The following DNAJC12 variants were observed in gnomAD, a reference collection of about 807,000 sequenced individuals.
DNAJC12 encodes the protein dnaJ homolog subfamily C member 12.
DNAJC12 carries 25 observed loss-of-function variants against 28.5 expected under a neutral mutation model. The observed-to-expected ratio is 0.88, with a 90% CI of 0.64 to 1.22. DNAJC12 has a LOEUF of 1.22. DNAJC12 is among the 50% of genes most tolerant of loss of function. DNAJC12 has a pLI of 0.00. For missense variants in DNAJC12, 222 were observed against 231.7 expected (o/e 0.96, Z 0.27); for synonymous variants, 77 against 80.6 (o/e 0.95, Z 0.24).
rs1841713088 is a variant in DNAJC12 at position 67,799,228 on chromosome 10, A to G, written c.503-2018T>C. On this transcript the variant is annotated intron_variant, in intron 4 of 4. Transcript: ENST00000225171. ...TTCCATTGATATTTTAATATAGTAT[A>G]TAAATATGTAGTCAGAAAAAGCATA... Among the ~76,000 whole-genome samples the G allele has an allele frequency of 2.0e-5, 3 of 152,330 alleles. No homozygotes were observed. In the South Asian group the frequency reaches 6.2e-4, roughly 32 times the overall value.
At chr10:67,805,369 G>A (rs1841789481) in intron 4 of DNAJC12, among the ~76,000 whole-genome samples, 1 of 152,180 alleles carries the variant, frequency 6.6e-6, no homozygotes, top group Admixed American at 6.5e-5. Flanking sequence ...CATTATGTCA[G>A]TAAAGCCAAA....
At chr10:67,820,003 T>C (rs1225038634) in intron 2 of DNAJC12, among the ~76,000 whole-genome samples, 1 of 152,182 alleles carries the variant, frequency 6.6e-6, no homozygotes, top group Non-Finnish European at 1.5e-5. Context: ...CTGCCTGACG[T>C]ACAGGGTGCT....
chr10:67,816,688 G>A (rs1214144785), intron 2 of DNAJC12, among the ~76,000 whole-genome samples: 1 of 151,960 alleles, frequency 6.6e-6, no homozygotes, highest in Non-Finnish European at 1.5e-5. Flanking sequence ...TGGGATTACA[G>A]GCACCCGCCA....
At chr10:67,823,727 G>T (rs773451132) in intron 1 of DNAJC12, among the ~76,000 whole-genome samples, 21 of 151,488 alleles carry the variant, frequency 1.4e-4, no homozygotes, top group Non-Finnish European at 3.1e-4. Context: ...AACTTAAATG[G>T]CATGAAGGAA....
At chr10:67,815,198 T>A (rs1278923361) in intron 2 of DNAJC12, among the ~76,000 whole-genome samples, 1 of 152,142 alleles carries the variant, frequency 6.6e-6, no homozygotes, top group Non-Finnish European at 1.5e-5. Flanking sequence ...TGCTACAACA[T>A]GAATGAGTCT....
At chr10:67,820,501 GA>G (rs1841971101) in intron 2 of DNAJC12, among the ~76,000 whole-genome samples, 1 of 152,172 alleles carries the variant, frequency 6.6e-6, no homozygotes, top group Admixed American at 6.5e-5. Context: ...GGGTGCTGAA[GA>G]TGCTCCACAT....
At chr10:67,818,251 G>A (rs1841935478) in intron 2 of DNAJC12, among the ~76,000 whole-genome samples, 1 of 152,112 alleles carries the variant, frequency 6.6e-6, no homozygotes, top group Non-Finnish European at 1.5e-5. Context: ...AATCATCCAA[G>A]TGTGTAAAGA....
At chr10:67,807,203 G>C (rs1176717379) in intron 3 of DNAJC12, among the ~76,000 whole-genome samples, 3 of 151,990 alleles carry the variant, frequency 2.0e-5, no homozygotes, top group Admixed American at 6.6e-5. Context: ...AGAGGTTGCA[G>C]TGAGCTGGTA....
At position 67,818,943 on chromosome 10, in the gene DNAJC12, C is replaced by T. The variant is rs149806964; in HGVS notation, c.157+4371G>A. ...GTGCTGGGATTACAGGCATTAGCCA[C>T]CGAGCCCGATCTAAATTTTTATAAT... On this transcript the variant is annotated intron_variant, in intron 2 of 4. Coordinates refer to ENST00000225171, the MANE Select transcript of DNAJC12 (RefSeq NM_021800.3). 5.4e-3 allele frequency among the ~76,000 whole-genome samples: 820 copies of T among 152,266 alleles called. 4 individuals are homozygous for T. The highest frequency in any genetic ancestry group is 0.018 in the African/African-American group (764 of 41,568).
chr10:67,834,306 G>A (rs1842122296), intron 1 of DNAJC12, among the ~76,000 whole-genome samples: 2 of 152,026 alleles, frequency 1.3e-5, no homozygotes, highest in African/African-American at 2.4e-5. Context: ...AAAAATTATT[G>A]CAAAATAAAA....
intron 1 of DNAJC12, among the ~76,000 whole-genome samples, chr10:67,830,733 G>C (rs1842085685): frequency 6.6e-6 from 1 of 152,066 alleles, no homozygotes; most frequent in Non-Finnish European, 1.5e-5. Flanking sequence ...TCCCACAACT[G>C]TATGAGGTTA....
At position 67,833,161 on chromosome 10, in the gene DNAJC12, G is replaced by A. The variant is rs35205309; in HGVS notation, c.78+4773C>T. On this transcript the variant is annotated intron_variant, in intron 1 of 4. Coordinates refer to ENST00000225171, the MANE Select transcript of DNAJC12 (RefSeq NM_021800.3). ...TAGAACAGAAAAAGGGCATTATTAG[G>A]AAAACTGATGAAATTAGATAAGACT... 7.9e-3 allele frequency among the ~76,000 whole-genome samples: 1,205 copies of A among 152,282 alleles called. 16 individuals carry two copies. Among genetic ancestry groups the A allele is most frequent in the Non-Finnish European group, 0.011 (752 of 68,016 alleles).
chr10:67,815,508 C>CA (rs762037586), intron 2 of DNAJC12, among the ~76,000 whole-genome samples: 33,659 of 65,538 alleles, frequency 0.51, 7,622 homozygotes, highest in African/African-American at 0.69. Context: ...TACTTCGTCT[C>CA]AAAAAAAAAA....
chr10:67,796,929 T>G lies in DNAJC12; in HGVS notation c.*187A>C, dbSNP rs1217220688. On this transcript the variant is annotated 3_prime_UTR_variant, in exon 5 of 5. Transcript: ENST00000225171. Reference sequence around the variant, plus strand: ...AATTTATTCAAATATTGGAAGAAATTCATCTTCTGAATTTTTCTTATTTAA... The same window carrying G: ...AATTTATTCAAATATTGGAAGAAATGCATCTTCTGAATTTTTCTTATTTAA... 1 of 474,558 alleles carries G rather than the reference T, an allele frequency of 2.1e-6. No individual in the cohort carries two copies. The highest frequency in any genetic ancestry group is 3.7e-6 in the Non-Finnish European group (1 of 266,944). The allele number at this position is 474,558 out of a possible 1,614,324, so 29.4% of individuals were successfully genotyped here. A position where few individuals can be genotyped will look rare whatever the true frequency, so the allele number is the denominator to read the frequency against.
intron 1 of DNAJC12, among the ~76,000 whole-genome samples, chr10:67,834,983 T>C (rs982368339): frequency 4.6e-5 from 7 of 152,202 alleles, no homozygotes; most frequent in Non-Finnish European, 7.3e-5. Flanking sequence ...ACTAGAAAAT[T>C]AGTCTCATTG....
intron 1 of DNAJC12, among the ~76,000 whole-genome samples, chr10:67,834,332 G>A (rs925506956): frequency 6.6e-6 from 1 of 152,088 alleles, no homozygotes; most frequent in Admixed American, 6.6e-5. Flanking sequence ...TAAAAATAAT[G>A]CAAACTCAAG....
chr10:67,813,390 A>G (rs896357067), intron 2 of DNAJC12, among the ~76,000 whole-genome samples: 2 of 152,132 alleles, frequency 1.3e-5, no homozygotes, highest in African/African-American at 4.8e-5. Context: ...ATATACAAAT[A>G]TCAGTGGTGT....
intron 1 of DNAJC12, among the ~76,000 whole-genome samples, chr10:67,826,928 TATC>T (rs1842042278): frequency 1.5e-5 from 2 of 131,048 alleles, no homozygotes; most frequent in Non-Finnish European, 3.2e-5. Flanking sequence ...ATAATATATA[TATC>T]ATGATATATA....
At chr10:67,824,766 C>G (rs1372794501) in intron 1 of DNAJC12, among the ~76,000 whole-genome samples, 1 of 152,034 alleles carries the variant, frequency 6.6e-6, no homozygotes, top group Non-Finnish European at 1.5e-5. Context: ...CAGAGTCTCA[C>G]TCTGTCACCC....
Sources: allele counts gnomAD v4.1 joint callset (sites outside exome capture counted in the v4.1 genomes callset), GRCh38; gene constraint gnomAD v4.1.1; transcripts MANE v1.5; gene names NCBI Gene and HGNC (gene_info 2026-07-23, HGNC 2026-07-21).